Variants in ZC3H12C observed in about 807,000 individuals in gnomAD.
ZC3H12C encodes the protein probable ribonuclease ZC3H12C.
ZC3H12C carries 20 observed loss-of-function variants against 76.3 expected under a neutral mutation model. The observed-to-expected ratio is 0.26, with a 90% CI of 0.18 to 0.38. The LOEUF is 0.38. Ranked by LOEUF, ZC3H12C falls within the 10% of genes least tolerant of loss-of-function variation. The probability of loss-of-function intolerance (pLI) is 1.00; values close to 1 mark genes in which losing one functional copy is unlikely to be tolerated. For synonymous variants in ZC3H12C, 352 were observed against 399.6 expected (o/e 0.88, Z 1.42); for missense variants, 874 against 1,086.5 (o/e 0.80, Z 2.75).
intron 2 of ZC3H12C, among the ~76,000 whole-genome samples, chr11:110,144,871 G>T (rs575407530): frequency 6.6e-6 from 1 of 152,082 alleles, no homozygotes; most frequent in East Asian, 1.9e-4. Context: ...ATTACTCCCC[G>T]TGTCTATCAT....
At chr11:110,133,876 CT>C (rs1333455187) in intron 1 of ZC3H12C, among the ~76,000 whole-genome samples, 16 of 152,238 alleles carry the variant, frequency 1.1e-4, no homozygotes, top group African/African-American at 3.9e-4. Flanking sequence ...TTTGCAGTAT[CT>C]GATTTTGTTA....
chr11:110,154,129 TGG>T lies in ZC3H12C; in HGVS notation c.913+1073_913+1074del, dbSNP rs572766451. On this transcript the variant is annotated intron_variant, in intron 3 of 5. Transcript: ENST00000278590. The stretch of plus-strand genomic sequence containing the variant: ...GCTCATGCCTGTAATCCCAGAACTT[TGG>T]GAGGCCGAGGCGGGAAGATCACTTG... 1.5e-3 allele frequency among the ~76,000 whole-genome samples: 224 copies of T among 152,306 alleles called. 3 individuals are homozygous for T. The highest frequency in any genetic ancestry group is 4.9e-3 in the African/African-American group (203 of 41,558).
At chr11:110,122,176 A>T (rs1861662323) in intron 1 of ZC3H12C, among the ~76,000 whole-genome samples, 2 of 152,320 alleles carry the variant, frequency 1.3e-5, no homozygotes, top group South Asian at 4.1e-4. Context: ...GTGGCTGAGG[A>T]TGTCAGAGAG....
At chr11:110,134,803 G>A (rs1861925923) in intron 1 of ZC3H12C, among the ~76,000 whole-genome samples, 1 of 152,222 alleles carries the variant, frequency 6.6e-6, no homozygotes, top group East Asian at 1.9e-4. Context: ...TATCTTCTCA[G>A]GGAATAGGCC....
chr11:110,161,891 G>T lies in ZC3H12C; in HGVS notation c.1149-1382G>T, dbSNP rs144167808. On this transcript the variant is annotated intron_variant, in intron 4 of 5. Coordinates refer to ENST00000278590, the MANE Select transcript of ZC3H12C (RefSeq NM_033390.2). Reference sequence around the variant, plus strand: ...CATGCCTGTAATCCTAGCACTTTGGGAGGCCAAGGCAGGTGCATCACCTGA... The same window carrying T: ...CATGCCTGTAATCCTAGCACTTTGGTAGGCCAAGGCAGGTGCATCACCTGA... Among the ~76,000 whole-genome samples the T allele has an allele frequency of 6.3e-3, 953 of 152,290 alleles. 13 individuals carry two copies. The highest frequency in any genetic ancestry group is 0.022 in the African/African-American group (907 of 41,550).
At chr11:110,094,936 T>C (rs953594927) in intron 1 of ZC3H12C, among the ~76,000 whole-genome samples, 1 of 152,228 alleles carries the variant, frequency 6.6e-6, no homozygotes, top group Non-Finnish European at 1.5e-5. Context: ...CTTCTAGTAT[T>C]TGGTCACCAT....
In ZC3H12C at chr11:110,165,004, A is replaced by G. The variant is rs989678949; in HGVS notation, c.1919A>G (p.Tyr640Cys). The G allele has an allele frequency of 5.0e-6, 8 of 1,613,860 alleles. No homozygotes were observed. The highest frequency in any genetic ancestry group is 6.8e-6 in the Non-Finnish European group (8 of 1,179,882). Reference protein sequence around the residue: ...GSMSCGSSDSYVGYNDRSYVS... With the variant: ...GSMSCGSSDSCVGYNDRSYVS... ...ATGAGCTGTGGGAGCAGTGACTCCT[A>G]CGTGGGTTACAATGACCGGTCCTAT... is the stretch of plus-strand genomic sequence containing the variant. Residue 640 changes from tyrosine (Y) to cysteine (C), a missense_variant, in exon 6 of 6, where the codon TAC becomes TGC. Physicochemically the swap from Tyr to Cys is radical, Grantham distance 194. This residue lies in a region of ZC3H12C where 395 missense variants were observed against 434.4 expected (regional missense o/e 0.91). Coordinates refer to ENST00000278590, the MANE Select transcript of ZC3H12C (RefSeq NM_033390.2).
intron 1 of ZC3H12C, among the ~76,000 whole-genome samples, chr11:110,120,094 A>G (rs916851385): frequency 1.3e-5 from 2 of 152,168 alleles, no homozygotes; most frequent in African/African-American, 4.8e-5. Context: ...GCCTCTTAAA[A>G]CACACTGCAC....
chr11:110,099,406 G>A (rs1299008660), intron 1 of ZC3H12C, among the ~76,000 whole-genome samples: 2 of 152,046 alleles, frequency 1.3e-5, no homozygotes, highest in Non-Finnish European at 2.9e-5. Context: ...TGATTTCAAA[G>A]TTTGATGATG....
At chr11:110,132,988 ATTCT>A (rs1408442048) in intron 1 of ZC3H12C, among the ~76,000 whole-genome samples, 3 of 152,300 alleles carry the variant, frequency 2.0e-5, no homozygotes, top group Admixed American at 1.3e-4. Flanking sequence ...ATTATATACC[ATTCT>A]TTCTTCTTAA....
At chr11:110,127,299 C>CT (rs1366767352) in intron 1 of ZC3H12C, among the ~76,000 whole-genome samples, 8 of 152,142 alleles carry the variant, frequency 5.3e-5, no homozygotes, top group African/African-American at 1.9e-4. Flanking sequence ...TAAAGTTAGT[C>CT]TTTAACACTT....
rs139490349 is a variant in ZC3H12C at position 110,146,586 on chromosome 11, T to A, written c.774-6333T>A. 3.3e-5 allele frequency among the ~76,000 whole-genome samples: 5 copies of A among 152,350 alleles called. 1 individual carries two copies. Among genetic ancestry groups the A allele is most frequent in the African/African-American group, 1.2e-4 (5 of 41,580 alleles). ...CCTCAGTCTCTTCCAGCATCCCTTTTTCCAATGTCCTAGCTTCCTATAGTA... is the reference window on the plus strand; with the variant it reads ...CCTCAGTCTCTTCCAGCATCCCTTTATCCAATGTCCTAGCTTCCTATAGTA... On this transcript the variant is annotated intron_variant, in intron 2 of 5. Coordinates refer to ENST00000278590, the MANE Select transcript of ZC3H12C (RefSeq NM_033390.2).
Position 110,166,246 on chromosome 11 carries a change from G to T in ZC3H12C, c.*509G>T. 6.5e-6 allele frequency: 1 copy of T among 154,066 alleles called. No homozygotes were observed. The highest frequency in any genetic ancestry group is 1.4e-5 in the Non-Finnish European group (1 of 69,394). The allele number at this position is 154,066 out of a possible 1,614,324, so 9.5% of individuals were successfully genotyped here. A position where few individuals can be genotyped will look rare whatever the true frequency, so the allele number is the denominator to read the frequency against. On this transcript the variant is annotated 3_prime_UTR_variant, in exon 6 of 6. Coordinates refer to ENST00000278590, the MANE Select transcript of ZC3H12C (RefSeq NM_033390.2). ...ATTTGGGGAAAGTGGGCTTCTTTGT[G>T]CTATAATCATTATTTATAGAAACAA...
chr11:110,105,562 A>G (rs1861307065), intron 1 of ZC3H12C, among the ~76,000 whole-genome samples: 1 of 152,210 alleles, frequency 6.6e-6, no homozygotes, highest in Non-Finnish European at 1.5e-5. Context: ...ATTTTATTAC[A>G]TATGTGAAAT....
In ZC3H12C at chr11:110,137,018, T is replaced by C. The variant is rs182300452; in HGVS notation, c.377T>C (p.Leu126Ser). 754 of 1,613,846 alleles carry C rather than the reference T, an allele frequency of 4.7e-4. No individual in the cohort carries two copies. The highest frequency in any genetic ancestry group is 4.9e-4 in the Middle Eastern group (3 of 6,062). ...AGACAGCTCTGCAGGTCTCCCTGTT[T>C]AGAGCCTCACATACTCAAGCGCAAT... ...THRQLCRSPC[L>S]EPHILKRNEI... The change falls in exon 2 of 6, where the codon TTA becomes TCA. Residue 126 changes from leucine (L) to serine (S), a missense_variant. Around this residue, in one of 3 missense-constraint regions of ZC3H12C, gnomAD observed 210 missense variants for 227.1 expected, o/e 0.92. Transcript: ENST00000278590.
chr11:110,124,175 G>A (rs997444977), intron 1 of ZC3H12C: 1 of 152,228 alleles, frequency 6.6e-6, no homozygotes, highest in Non-Finnish European at 1.5e-5. Context: ...TCATCACTGG[G>A]AGTCTTGAGC....
In ZC3H12C at chr11:110,167,420, G is replaced by T. The variant is rs1195242924; in HGVS notation, c.*1683G>T. The T allele has an allele frequency of 6.6e-6, 1 of 151,964 alleles. No individual in the cohort carries two copies. Among genetic ancestry groups the T allele is most frequent in the African/African-American group, 2.4e-5 (1 of 41,370 alleles). 9.4% of individuals were successfully genotyped at this position (151,964 alleles called of 1,614,324 possible). A position where few individuals can be genotyped will look rare whatever the true frequency, so the allele number is the denominator to read the frequency against. On this transcript the variant is annotated 3_prime_UTR_variant, in exon 6 of 6. Transcript: ENST00000278590. ...TAAAATTGAGGTCTAGAATAGATTA[G>T]AAAATAAAAATAACAATTTAGATAA...
In ZC3H12C at chr11:110,104,294, C is replaced by T. The variant is rs558585088; in HGVS notation, c.21+10862C>T. 9.9e-5 allele frequency among the ~76,000 whole-genome samples: 15 copies of T among 151,988 alleles called. 2 individuals carry two copies. In the South Asian group the frequency reaches 2.3e-3, roughly 23 times the overall value. On this transcript the variant is annotated intron_variant, in intron 1 of 5. Coordinates refer to ENST00000278590, the MANE Select transcript of ZC3H12C (RefSeq NM_033390.2). Reference sequence around the variant, plus strand: ...GGCTGGTCTTGAACTCCTGACCTCACATAATCCACTTTGGGATCATTTCAG... The same window carrying T: ...GGCTGGTCTTGAACTCCTGACCTCATATAATCCACTTTGGGATCATTTCAG...
chr11:110,128,889 CAAAAAAAAAAA>C (rs145436449), intron 1 of ZC3H12C, among the ~76,000 whole-genome samples: 21 of 94,152 alleles, frequency 2.2e-4, no homozygotes, highest in Admixed American at 2.0e-3. Context: ...CCACCACTAA[CAAAAAAAAAAA>C]AAAAAAAAAA....
Sources: allele counts gnomAD v4.1 joint callset (sites outside exome capture counted in the v4.1 genomes callset), GRCh38; gene constraint gnomAD v4.1.1; regional missense constraint gnomAD v4.1.1; transcripts MANE v1.5; gene names NCBI Gene and HGNC (gene_info 2026-07-23, HGNC 2026-07-21).